Variants in ADAMTS13 observed in about 807,000 individuals in gnomAD.
ADAMTS13 encodes the protein A disintegrin and metalloproteinase with thrombospondin motifs 13.
In ADAMTS13, 110 loss-of-function variants were observed where a neutral mutation model predicts 155.1. The ratio of observed to expected loss-of-function variants is 0.71; its 90% CI spans 0.61 to 0.83. ADAMTS13 has a LOEUF of 0.83. Among genes scored for constraint, ADAMTS13 ranks in the 40% least tolerant of loss-of-function variants. The probability of loss-of-function intolerance (pLI) is 0.00; values close to 1 mark genes in which losing one functional copy is unlikely to be tolerated. For synonymous variants in ADAMTS13, 758 were observed against 756.4 expected (o/e 1.00, Z -0.03); for missense variants, 1,707 against 1,891.7 (o/e 0.90, Z 1.81).
At position 133,445,701 on chromosome 9, in the gene ADAMTS13, G is replaced by A; in HGVS notation, c.2613G>A (p.Leu871=). Reference sequence around the variant, plus strand: ...CAGCTTGTTGCTATTCCCCACAGCTGGATGCCACCTCTGCAGGGGAGAAGG... The same window carrying A: ...CAGCTTGTTGCTATTCCCCACAGCTAGATGCCACCTCTGCAGGGGAGAAGG... The part of the protein sequence containing the change: ...GMSCPPGWGH[L]DATSAGEKAP... The change falls in exon 21 of 29, where the codon CTG becomes CTA. Residue 871 remains leucine (L), a splice_region_variant and synonymous_variant. Transcript: ENST00000355699. This position sits in a 1 kb window ranked among gnomAD's most constrained non-coding sequence, Gnocchi z 5.0. 2 of 1,613,022 alleles carry A rather than the reference G, an allele frequency of 1.2e-6. No homozygotes were observed. Among genetic ancestry groups the A allele is most frequent in the Non-Finnish European group, 1.7e-6 (2 of 1,179,866 alleles).
chr9:133,455,816 T>G, intron 25 of ADAMTS13: 1 of 794,026 alleles, frequency 1.3e-6, no homozygotes, highest in South Asian at 1.7e-5. Context: ...ACCCAGCTTG[T>G]GAGCCCCCTA....
chr9:133,435,633 C>T (rs1054709605), intron 11 of ADAMTS13, among the ~76,000 whole-genome samples: 1 of 151,814 alleles, frequency 6.6e-6, no homozygotes, highest in African/African-American at 2.4e-5. Context: ...AGGTTCACCC[C>T]ATTCTCCTGC....
chr9:133,433,633 AT>A lies in ADAMTS13; in HGVS notation c.1245-4del, dbSNP rs782807356. ...TCTCTCACCCTCCTGTCTGCTGGGC[AT>A]TTTCAGACCTGCCTTTGGGGGGCGT... On this transcript the variant is annotated splice_polypyrimidine_tract_variant and splice_region_variant and intron_variant, in intron 10 of 28. Coordinates refer to ENST00000355699, the MANE Select transcript of ADAMTS13 (RefSeq NM_139027.6). 30 of 1,613,858 alleles carry A rather than the reference AT, an allele frequency of 1.9e-5. No individual in the cohort carries two copies. Among genetic ancestry groups the A allele is most frequent in the Non-Finnish European group, 2.5e-5 (30 of 1,179,962 alleles).
chr9:133,433,597 G>C (rs1554788179), intron 10 of ADAMTS13, 44 bp from the exon 11 acceptor site: 1 of 1,613,892 alleles, frequency 6.2e-7, no homozygotes, highest in Non-Finnish European at 8.5e-7. Flanking sequence ...TGAAGGCAGT[G>C]GTCACCCTGC....
At position 133,437,876 on chromosome 9, in the gene ADAMTS13, G is replaced by T. The variant is rs1221199209; in HGVS notation, c.1563G>T (p.Leu521=). The part of the protein sequence containing the change: ...SGPREDGTLS[L]CVSGSCRTFG... ...CCCGGGAGGACGGGACCCTGAGCCT[G>T]TGTGTGTCGGGCAGCTGCAGGGTAG... is the stretch of plus-strand genomic sequence containing the variant. Residue 521 remains leucine, a synonymous_variant, in exon 13 of 29, where the codon CTG becomes CTT. Transcript: ENST00000355699. The T allele has an allele frequency of 6.2e-7, 1 of 1,613,756 alleles. No homozygotes were observed. The highest frequency in any genetic ancestry group is 8.5e-7 in the Non-Finnish European group (1 of 1,179,988).
chr9:133,457,767 T>TG (rs1169568713), intron 27 of ADAMTS13, 143 bp from the exon 28 acceptor site: 1 of 1,024,462 alleles, frequency 9.8e-7, no homozygotes, highest in Non-Finnish European at 1.5e-6. Context: ...GTGGTAGAGG[T>TG]GGGGTTCAGC....
At position 133,424,838 on chromosome 9, in the gene ADAMTS13, C is replaced by T. The variant is rs1465890570; in HGVS notation, c.330+360C>T. ...CTGCCCTCTGCACCCCGACCCTGCCCTCTCTCCATTCTCTTGTCCCCCGCT... is the reference window on the plus strand; with the variant it reads ...CTGCCCTCTGCACCCCGACCCTGCCTTCTCTCCATTCTCTTGTCCCCCGCT... On this transcript the variant is annotated intron_variant, in intron 3 of 28. Transcript: ENST00000355699. The surrounding 1 kb of genome is among the most constrained non-coding windows in gnomAD (Gnocchi z 4.3). Among the ~76,000 whole-genome samples the T allele has an allele frequency of 6.6e-6, 1 of 152,250 alleles. No individual in the cohort carries two copies. Among genetic ancestry groups the T allele is most frequent in the Non-Finnish European group, 1.5e-5 (1 of 68,044 alleles).
chr9:133,418,438 C>T (rs1358000049), upstream of ADAMTS13, among the ~76,000 whole-genome samples: 3 of 152,164 alleles, frequency 2.0e-5, no homozygotes, highest in East Asian at 5.8e-4. Context: ...GCCCAGGCAC[C>T]GGGAGGAGTT....
chr9:133,419,104 C>A (rs28508232), upstream of ADAMTS13, among the ~76,000 whole-genome samples: 1 of 151,988 alleles, frequency 6.6e-6, no homozygotes, highest in Non-Finnish European at 1.5e-5. Flanking sequence ...CCTCCCAAAG[C>A]GCTGGGATTA....
upstream of ADAMTS13, among the ~76,000 whole-genome samples, chr9:133,420,594 C>G (rs36217941): frequency 0.055 from 8,342 of 152,280 alleles, 329 homozygotes; most frequent in Non-Finnish European, 0.087. Context: ...CGATGCAGGT[C>G]ACAGTCGATG....
Position 133,459,315 on chromosome 9 carries a change from G to A in ADAMTS13, c.*135G>A. ...TTCTCCAATGTCCAAAAGGCTAGGG[G>A]GTTGGAGGTGGGGACTCTGGAAAAG... On this transcript the variant is annotated 3_prime_UTR_variant, in exon 29 of 29. Transcript: ENST00000355699. The A allele has an allele frequency of 1.1e-6, 1 of 931,758 alleles. No individual in the cohort carries two copies. Among genetic ancestry groups the A allele is most frequent in the Non-Finnish European group, 1.7e-6 (1 of 593,966 alleles). The allele number at this position is 931,758 out of a possible 1,614,324, so 57.7% of individuals were successfully genotyped here. A position where few individuals can be genotyped will look rare whatever the true frequency, so the allele number is the denominator to read the frequency against.
rs1554790570 is a variant in ADAMTS13 at position 133,440,879 on chromosome 9, G to A, written c.1968+354G>A. ...AGCAGATGTTGCTGGGCCAAGCAGG[G>A]AAGGAAGCGTATGGCTGAGGGAACA... On this transcript the variant is annotated intron_variant, in intron 16 of 28. Coordinates refer to ENST00000355699, the MANE Select transcript of ADAMTS13 (RefSeq NM_139027.6). This position sits in a 1 kb window ranked among gnomAD's most constrained non-coding sequence, Gnocchi z 4.3. 6.6e-6 allele frequency among the ~76,000 whole-genome samples: 1 copy of A among 152,140 alleles called. No homozygotes were observed. The highest frequency in any genetic ancestry group is 1.9e-4 in the East Asian group (1 of 5,174).
Position 133,429,946 on chromosome 9 carries a change from C to G in ADAMTS13, c.832C>G (p.Arg278Gly), listed in dbSNP as rs1300883719. The G allele has an allele frequency of 1.3e-6, 2 of 1,535,436 alleles. No individual in the cohort carries two copies. The highest frequency in any genetic ancestry group is 1.7e-6 in the Non-Finnish European group (2 of 1,145,598). ...RQLLSLLSAG[R>G]ARCVWDPPRP... is the part of the protein sequence containing the mutation. ...AGCCGGGCCTTGTCGCAGCGCAGGA[C>G]GGGCGCGCTGCGTGTGGGACCCGCC... The change falls in exon 8 of 29, where the codon CGG (arginine) becomes GGG (glycine). Residue 278 changes from arginine to glycine, a missense_variant. Physicochemically the swap from Arg to Gly is moderately radical, Grantham distance 125. Around this residue, in one of 3 missense-constraint regions of ADAMTS13, gnomAD observed 733 missense variants for 749.6 expected, o/e 0.98. Coordinates refer to ENST00000355699, the MANE Select transcript of ADAMTS13 (RefSeq NM_139027.6).
Position 133,437,804 on chromosome 9 carries a change from G to A in ADAMTS13, c.1491G>A (p.Lys497=). The A allele has an allele frequency of 6.2e-7, 1 of 1,613,990 alleles. No individual in the cohort carries two copies. Reference sequence around the variant, plus strand: ...CCATTGGCGAGAGCTTCATCATGAAGCGTGGAGACAGCTTCCTCGATGGGA... The same window carrying A: ...CCATTGGCGAGAGCTTCATCATGAAACGTGGAGACAGCTTCCTCGATGGGA... ...CRAIGESFIM[K]RGDSFLDGTR... The change falls in exon 13 of 29, where the codon AAG becomes AAA. Residue 497 remains lysine (K), a synonymous_variant. Coordinates refer to ENST00000355699, the MANE Select transcript of ADAMTS13 (RefSeq NM_139027.6).
chr9:133,432,813 T>C, intron 9 of ADAMTS13, 121 bp downstream of exon 9: 1 of 1,009,504 alleles, frequency 9.9e-7, no homozygotes. Context: ...GTCTTGGAGT[T>C]GGCCTTGGGG....
At chr9:133,437,475 T>G (rs1841321596) in intron 12 of ADAMTS13, among the ~76,000 whole-genome samples, 1 of 152,176 alleles carries the variant, frequency 6.6e-6, no homozygotes, top group South Asian at 2.1e-4. Flanking sequence ...CTAGGCTGGT[T>G]TCAAACTCCT....
intron 11 of ADAMTS13, 51 bp from the exon 12 acceptor site, chr9:133,436,778 A>AAC: frequency 1.2e-5 from 5 of 433,942 alleles, no homozygotes; most frequent in South Asian, 3.3e-5. Flanking sequence ...CAGTGACAAC[A>AAC]CCCGCCCCCC....
At position 133,424,290 on chromosome 9, in the gene ADAMTS13, A is replaced by G. The variant is rs1248484882; in HGVS notation, c.173-31A>G. 6.2e-7 allele frequency: 1 copy of G among 1,609,088 alleles called. No individual in the cohort carries two copies. Among genetic ancestry groups the G allele is most frequent in the African/African-American group, 1.3e-5 (1 of 74,916 alleles). On this transcript the variant is annotated intron_variant, in intron 2 of 28. Coordinates refer to ENST00000355699, the MANE Select transcript of ADAMTS13 (RefSeq NM_139027.6). This position sits in a 1 kb window ranked among gnomAD's most constrained non-coding sequence, Gnocchi z 4.3. ...TTTCCACTGCTTGCTCTCTAGAACCATCGCCCTCTGCTCTCCCTCTCCCCC... is the reference window on the plus strand; with the variant it reads ...TTTCCACTGCTTGCTCTCTAGAACCGTCGCCCTCTGCTCTCCCTCTCCCCC...
At chr9:133,421,835 CTG>C (rs1182862757), upstream of ADAMTS13, among the ~76,000 whole-genome samples, 1 of 152,130 alleles carries the variant, frequency 6.6e-6, no homozygotes, top group Non-Finnish European at 1.5e-5. Flanking sequence ...TTGTGCGGCT[CTG>C]TGGGTGTAAA....
Sources: allele counts gnomAD v4.1 joint callset (sites outside exome capture counted in the v4.1 genomes callset), GRCh38; gene constraint gnomAD v4.1.1; regional missense constraint gnomAD v4.1.1; non-coding constraint Gnocchi (gnomAD v3.1); transcripts MANE v1.5; gene names NCBI Gene and HGNC (gene_info 2026-07-23, HGNC 2026-07-21).